Variants in SYNDIG1 observed in about 807,000 individuals in gnomAD.
SYNDIG1 encodes synapse differentiation inducing 1.
A neutral mutation model predicts 19.4 loss-of-function variants in SYNDIG1; 9 were observed. The observed-to-expected ratio is 0.46, with a 90% CI of 0.28 to 0.81. SYNDIG1 has a LOEUF of 0.81. Ranked by LOEUF, SYNDIG1 falls within the 30% of genes least tolerant of loss-of-function variation. The pLI, the probability that SYNDIG1 is intolerant of heterozygous loss-of-function variation, is 0.12. For missense variants in SYNDIG1, 311 were observed against 343.3 expected, an observed-to-expected ratio of 0.91 and a Z score of 0.74; for synonymous variants, 141 against 145.9, an observed-to-expected ratio of 0.97 and a Z score of 0.24.
chr20:24,493,150 C>G (rs1643936665), intron 1 of SYNDIG1, among the ~76,000 whole-genome samples: 1 of 152,260 alleles, frequency 6.6e-6, no homozygotes, highest in Admixed American at 6.5e-5. Context: ...AAAAATTACA[C>G]AAGCAAACCT....
At chr20:24,580,686 G>A (rs1331490969) in intron 2 of SYNDIG1, among the ~76,000 whole-genome samples, 1 of 152,134 alleles carries the variant, frequency 6.6e-6, no homozygotes, top group Non-Finnish European at 1.5e-5. Flanking sequence ...TGAGGTAACA[G>A]GTGTGAACAA....
intron 1 of SYNDIG1, among the ~76,000 whole-genome samples, chr20:24,519,870 C>T (rs948212367): frequency 3.3e-5 from 5 of 151,916 alleles, no homozygotes; most frequent in East Asian, 1.9e-4. Context: ...CCACCACCAC[C>T]GCCATCACGA....
intron 1 of SYNDIG1, among the ~76,000 whole-genome samples, chr20:24,500,515 TTTCTTTCTTTCTTTC>T (rs869108495): frequency 6.5e-5 from 7 of 107,618 alleles, no homozygotes; most frequent in South Asian, 2.8e-4. Context: ...TCTTTCTTTC[TTTCTTTCTTTCTTTC>T]TTCTTTCTTT....
At chr20:24,578,815 G>A (rs1308432254) in intron 2 of SYNDIG1, among the ~76,000 whole-genome samples, 1 of 152,174 alleles carries the variant, frequency 6.6e-6, no homozygotes, top group Non-Finnish European at 1.5e-5. Flanking sequence ...GTGAGCGCAA[G>A]GTCAGAGATC....
chr20:24,590,253 A>G (rs1277309427), intron 3 of SYNDIG1, among the ~76,000 whole-genome samples: 1 of 141,014 alleles, frequency 7.1e-6, no homozygotes, highest in Non-Finnish European at 1.5e-5. Flanking sequence ...CCCTGGGGGG[A>G]GCACGTGGGG....
At chr20:24,611,243 G>C (rs118090801) in intron 3 of SYNDIG1, among the ~76,000 whole-genome samples, 1 of 152,000 alleles carries the variant, frequency 6.6e-6, no homozygotes, top group Non-Finnish European at 1.5e-5. Flanking sequence ...CTGTCCCTTT[G>C]CTCTACTCTG....
Position 24,538,773 on chromosome 20 carries a change from G to GTT in SYNDIG1, c.-78-4237_-78-4236dup, listed in dbSNP as rs35891354. On this transcript the variant is annotated intron_variant, in intron 1 of 3. Coordinates refer to ENST00000376862, the MANE Select transcript of SYNDIG1 (RefSeq NM_024893.3). ...TCCTCACCAACACTTGTTATTTTCCGTTTTTTTTTTTAACAGTAGCCATCC... is the reference window on the plus strand; with the variant it reads ...TCCTCACCAACACTTGTTATTTTCCGTTTTTTTTTTTTTAACAGTAGCCATCC... Among the ~76,000 whole-genome samples the GTT allele has an allele frequency of 5.4e-3, 796 of 148,592 alleles. 2 individuals carry two copies. The highest frequency in any genetic ancestry group is 0.015 in the African/African-American group (608 of 40,808).
At chr20:24,571,833 C>G (rs1484600697) in intron 2 of SYNDIG1, among the ~76,000 whole-genome samples, 1 of 152,174 alleles carries the variant, frequency 6.6e-6, no homozygotes, top group African/African-American at 2.4e-5. Flanking sequence ...TTTGAAGAAA[C>G]AGACATTGAC....
At chr20:24,577,087 C>T (rs1418598757) in intron 2 of SYNDIG1, among the ~76,000 whole-genome samples, 2 of 152,018 alleles carry the variant, frequency 1.3e-5, no homozygotes, top group African/African-American at 2.4e-5. Context: ...GATGATTGGT[C>T]AGTAATTTAG....
chr20:24,650,976 C>T lies in SYNDIG1; in HGVS notation c.619-14370C>T, dbSNP rs2059466828. Among the ~76,000 whole-genome samples the T allele has an allele frequency of 3.3e-5, 5 of 152,184 alleles. 1 individual carries two copies. Among genetic ancestry groups the T allele is most frequent in the Admixed American group, 2.0e-4 (3 of 15,276 alleles). On this transcript the variant is annotated intron_variant, in intron 3 of 3. Transcript: ENST00000376862. ...TGAGCTTCCCAAGTAGCTGGGATTA[C>T]AGGTGCGCACCACCATGTCTGGCTA...
chr20:24,470,208 G>A (rs1293633580), intron 1 of SYNDIG1, among the ~76,000 whole-genome samples: 1 of 152,214 alleles, frequency 6.6e-6, no homozygotes, highest in Non-Finnish European at 1.5e-5. Flanking sequence ...CCCTCGGAGT[G>A]ACCCGAAGGA....
intron 1 of SYNDIG1, among the ~76,000 whole-genome samples, chr20:24,529,212 T>G (rs2057189871): frequency 6.6e-6 from 1 of 152,168 alleles, no homozygotes; most frequent in African/African-American, 2.4e-5. Flanking sequence ...CTCTAAACCA[T>G]GGACTGTGTG....
intron 2 of SYNDIG1, among the ~76,000 whole-genome samples, chr20:24,565,758 C>T (rs1276324317): frequency 6.6e-6 from 1 of 152,162 alleles, no homozygotes; most frequent in Non-Finnish European, 1.5e-5. Context: ...CCTTCTCCTT[C>T]CCCCGCTTCA....
At chr20:24,621,631 A>C (rs1437127434) in intron 3 of SYNDIG1, among the ~76,000 whole-genome samples, 1 of 152,160 alleles carries the variant, frequency 6.6e-6, no homozygotes, top group Non-Finnish European at 1.5e-5. Context: ...GAAAGATTTG[A>C]AAGTCATACC....
intron 1 of SYNDIG1, among the ~76,000 whole-genome samples, chr20:24,485,414 G>A (rs950496192): frequency 1.3e-5 from 2 of 152,116 alleles, no homozygotes; most frequent in African/African-American, 4.8e-5. Context: ...GAAATTATAG[G>A]TCTTTGGAAT....
At chr20:24,631,632 G>A (rs189507652) in intron 3 of SYNDIG1, among the ~76,000 whole-genome samples, 54 of 152,272 alleles carry the variant, frequency 3.5e-4, no homozygotes, top group Non-Finnish European at 6.8e-4. Context: ...GCTTTATCAC[G>A]TAAAATCTGC....
rs147637201 is a variant in SYNDIG1 at position 24,588,847 on chromosome 20, G to C, written c.618+3854G>C. ...GCTGAAATCAGGGTTCAGTGAGATT[G>C]AGAGATGTGCCTAAAGCCAACATTG... is the stretch of plus-strand genomic sequence containing the variant. On this transcript the variant is annotated intron_variant, in intron 3 of 3. Coordinates refer to ENST00000376862, the MANE Select transcript of SYNDIG1 (RefSeq NM_024893.3). Among the ~76,000 whole-genome samples, 1,184 of 152,150 alleles carry C rather than the reference G, an allele frequency of 7.8e-3. 11 individuals are homozygous for C. Among genetic ancestry groups the C allele is most frequent in the Admixed American group, 0.023 (354 of 15,280 alleles).
intron 1 of SYNDIG1, among the ~76,000 whole-genome samples, chr20:24,485,938 T>G (rs2055944802): frequency 6.6e-6 from 1 of 152,218 alleles, no homozygotes; most frequent in African/African-American, 2.4e-5. Context: ...GGAGATGTCT[T>G]TGGCCCAAGC....
chr20:24,525,577 C>T (rs554966531), intron 1 of SYNDIG1, among the ~76,000 whole-genome samples: 1 of 152,054 alleles, frequency 6.6e-6, no homozygotes, highest in South Asian at 2.1e-4. Context: ...AGCCACCATG[C>T]CCAGCATACT....
Sources: allele counts gnomAD v4.1 joint callset (sites outside exome capture counted in the v4.1 genomes callset), GRCh38; gene constraint gnomAD v4.1.1; transcripts MANE v1.5; gene names NCBI Gene and HGNC (gene_info 2026-07-23, HGNC 2026-07-21).